FNDC3B: variants seen among roughly 807,000 people sequenced by gnomAD.
FNDC3B encodes fibronectin type III domain containing 3B, also known as fibronectin type III domain-containing protein 3B.
A neutral mutation model predicts 151.5 loss-of-function variants in FNDC3B; 12 were observed. That is an observed-to-expected ratio of 0.08 (90% CI 0.05 to 0.13). FNDC3B has a LOEUF of 0.13. FNDC3B is among the 10% of genes least tolerant of loss of function. The pLI is 1.00. For missense variants in FNDC3B, 1,214 were observed against 1,505.3 expected (o/e 0.81, Z 3.20); for synonymous variants, 528 against 549.0 (o/e 0.96, Z 0.54).
intron 1 of FNDC3B, among the ~76,000 whole-genome samples, chr3:172,103,150 G>A (rs980852200): frequency 9.9e-5 from 15 of 152,132 alleles, no homozygotes; most frequent in Non-Finnish European, 1.9e-4. Context: ...CAAAGCAAAC[G>A]AACCTTTGGT....
At chr3:172,124,538 G>A (rs756300617) in intron 2 of FNDC3B, among the ~76,000 whole-genome samples, 1 of 152,236 alleles carries the variant, frequency 6.6e-6, no homozygotes, top group Non-Finnish European at 1.5e-5. Context: ...AAAAGATGCT[G>A]TAAGGTTGAC....
chr3:172,381,211 C>A, intron 25 of FNDC3B, 118 bp downstream of exon 25: 1 of 1,129,388 alleles, frequency 8.9e-7, no homozygotes. Flanking sequence ...ATAGAAACTG[C>A]CTAACTTGTA....
At chr3:172,259,341 C>T (rs1354712789) in intron 6 of FNDC3B, among the ~76,000 whole-genome samples, 1 of 152,196 alleles carries the variant, frequency 6.6e-6, no homozygotes, top group African/African-American at 2.4e-5. Context: ...AACATCGCCA[C>T]TTCCATTTCA....
At chr3:172,098,461 CGGTATTTAA>C (rs1719198123) in intron 1 of FNDC3B, among the ~76,000 whole-genome samples, 1 of 151,890 alleles carries the variant, frequency 6.6e-6, no homozygotes, top group African/African-American at 2.4e-5. Context: ...ACACAGTGGT[CGGTATTTAA>C]GGTATTTAAG....
intron 25 of FNDC3B, among the ~76,000 whole-genome samples, chr3:172,392,578 A>G (rs1388656659): frequency 2.0e-5 from 3 of 152,026 alleles, no homozygotes; most frequent in South Asian, 4.2e-4. Flanking sequence ...GTGCACTTGT[A>G]TTCACTAATG....
At chr3:172,149,951 T>A (rs977711722) in intron 3 of FNDC3B, among the ~76,000 whole-genome samples, 4 of 151,268 alleles carry the variant, frequency 2.6e-5, no homozygotes, top group African/African-American at 9.7e-5. Flanking sequence ...CTCGAGTAGC[T>A]GGGACTTCAG....
intron 4 of FNDC3B, among the ~76,000 whole-genome samples, chr3:172,242,113 C>T (rs1049460019): frequency 2.6e-5 from 4 of 152,240 alleles, no homozygotes; most frequent in Non-Finnish European, 4.4e-5. Flanking sequence ...CTCCATGTCT[C>T]ACATCTAGGT....
intron 3 of FNDC3B, among the ~76,000 whole-genome samples, chr3:172,214,080 C>G (rs912176747): frequency 6.6e-6 from 1 of 152,146 alleles, no homozygotes; most frequent in Non-Finnish European, 1.5e-5. Flanking sequence ...GAGAAAATAG[C>G]AGTCTAGGTG....
intron 3 of FNDC3B, among the ~76,000 whole-genome samples, chr3:172,147,419 T>C (rs971782694): frequency 2.0e-5 from 3 of 152,164 alleles, no homozygotes; most frequent in Admixed American, 2.0e-4. Context: ...TATGAAATGA[T>C]TGGACTGGGA....
At chr3:172,292,534 G>T (rs1730398668) in intron 7 of FNDC3B, among the ~76,000 whole-genome samples, 1 of 152,328 alleles carries the variant, frequency 6.6e-6, no homozygotes, top group East Asian at 1.9e-4. Flanking sequence ...TTAAAGGGAT[G>T]TGACTTCATG....
At position 172,169,822 on chromosome 3, in the gene FNDC3B, C is replaced by T. The variant is rs142926480; in HGVS notation, c.187+36276C>T. ...CTGACTGTTCCTATTCCCATTTAAACGGCACTTTATAAAATTCTCATGTGT... is the reference window on the plus strand; with the variant it reads ...CTGACTGTTCCTATTCCCATTTAAATGGCACTTTATAAAATTCTCATGTGT... On this transcript the variant is annotated intron_variant, in intron 3 of 25. Transcript: ENST00000415807. Among the ~76,000 whole-genome samples, 135 of 152,286 alleles carry T rather than the reference C, an allele frequency of 8.9e-4. 1 individual carries two copies. The highest frequency in any genetic ancestry group is 3.2e-3 in the African/African-American group (131 of 41,550).
chr3:172,144,047 G>A (rs1721777068), intron 3 of FNDC3B, among the ~76,000 whole-genome samples: 1 of 152,100 alleles, frequency 6.6e-6, no homozygotes, highest in African/African-American at 2.4e-5. Flanking sequence ...GTTTAATTGG[G>A]TCATGGTTCT....
chr3:172,162,310 A>G (rs1182392074), intron 3 of FNDC3B, among the ~76,000 whole-genome samples: 10 of 152,254 alleles, frequency 6.6e-5, no homozygotes. Context: ...TACTTGTAGC[A>G]TGTGTCAGTT....
chr3:172,381,702 T>C (rs1447413906), intron 25 of FNDC3B, among the ~76,000 whole-genome samples: 1 of 151,636 alleles, frequency 6.6e-6, no homozygotes, highest in Non-Finnish European at 1.5e-5. Context: ...CTCCCACTTA[T>C]GAGTGAGAAC....
At chr3:172,148,312 T>C (rs1469216348) in intron 3 of FNDC3B, among the ~76,000 whole-genome samples, 4 of 152,058 alleles carry the variant, frequency 2.6e-5, no homozygotes, top group Non-Finnish European at 4.4e-5. Flanking sequence ...ATTCAAGCAA[T>C]AAGTACATCC....
chr3:172,214,542 C>CTG (rs10662811), intron 3 of FNDC3B, among the ~76,000 whole-genome samples: 134,627 of 150,688 alleles, frequency 0.89, 60,458 homozygotes, highest in African/African-American at 0.95. Context: ...AGCTATGACT[C>CTG]TGTTTTATGG....
At chr3:172,122,992 C>T (rs1311889237) in intron 2 of FNDC3B, among the ~76,000 whole-genome samples, 1 of 152,150 alleles carries the variant, frequency 6.6e-6, no homozygotes. Flanking sequence ...GGGACATGGA[C>T]TTGTGTTATT....
chr3:172,083,370 C>A (rs1342245168), intron 1 of FNDC3B, among the ~76,000 whole-genome samples: 1 of 152,202 alleles, frequency 6.6e-6, no homozygotes, highest in Non-Finnish European at 1.5e-5. Flanking sequence ...TGCGTTGCTG[C>A]TGAGGAACAC....
chr3:172,341,443 G>A (rs1733317403), intron 17 of FNDC3B, among the ~76,000 whole-genome samples: 2 of 152,048 alleles, frequency 1.3e-5, no homozygotes, highest in African/African-American at 4.8e-5. Flanking sequence ...TGGTATTTTC[G>A]GGTACATTTG....
Sources: gnomAD v4.1 joint callset for allele counts (sites outside exome capture counted in the v4.1 genomes callset) on GRCh38, gnomAD v4.1.1 for gene constraint, MANE v1.5 for transcripts, NCBI Gene and HGNC (gene_info 2026-07-23, HGNC 2026-07-21) for gene names.